The following CHRM3 variants were observed in gnomAD, a reference collection of about 807,000 sequenced individuals.
CHRM3 encodes muscarinic acetylcholine receptor M3.
Under a neutral mutation model 41.8 loss-of-function variants are expected in CHRM3, and 11 were observed. The observed-to-expected ratio is 0.26, with a 90% CI of 0.17 to 0.44. CHRM3 has a LOEUF of 0.44. CHRM3 is among the 20% of genes least tolerant of loss of function. The pLI, the probability that CHRM3 is intolerant of heterozygous loss-of-function variation, is 1.00. For synonymous variants in CHRM3, 297 were observed against 301.4 expected (o/e 0.99, Z 0.15); for missense variants, 571 against 745.4 (o/e 0.77, Z 2.72).
At chr1:239,662,894 T>TC (rs1673365589) in intron 4 of CHRM3, among the ~76,000 whole-genome samples, 1 of 81,802 alleles carries the variant, frequency 1.2e-5, no homozygotes, top group African/African-American at 5.6e-5. Context: ...TTCCTCCTCC[T>TC]CTTCTTCTTC....
intron 6 of CHRM3, 91 bp downstream of exon 6, chr1:239,827,469 G>C (rs957036223): frequency 6.6e-6 from 1 of 152,158 alleles, no homozygotes; most frequent in Non-Finnish European, 1.5e-5. Flanking sequence ...GGCCACTGTT[G>C]ATTAGTTACG....
chr1:239,533,860 C>G (rs936212914), intron 2 of CHRM3, among the ~76,000 whole-genome samples: 1 of 152,010 alleles, frequency 6.6e-6, no homozygotes, highest in Non-Finnish European at 1.5e-5. Context: ...GGGTCCTTCC[C>G]ATGACATGTG....
intron 4 of CHRM3, among the ~76,000 whole-genome samples, chr1:239,667,888 T>G (rs1392997980): frequency 6.6e-6 from 1 of 152,144 alleles, no homozygotes; most frequent in Admixed American, 6.6e-5. Context: ...CTTGTACATT[T>G]GTAACTCTAG....
At chr1:239,725,735 C>T (rs2148376511) in intron 5 of CHRM3, among the ~76,000 whole-genome samples, 2 of 151,952 alleles carry the variant, frequency 1.3e-5, no homozygotes, top group South Asian at 4.2e-4. Context: ...GACTCTTTGC[C>T]CTGACGTCTG....
chr1:239,788,298 G>A (rs1669070420), intron 5 of CHRM3, among the ~76,000 whole-genome samples: 1 of 152,126 alleles, frequency 6.6e-6, no homozygotes, highest in Non-Finnish European at 1.5e-5. Context: ...TGAATCTCAT[G>A]TAGAGCAAAT....
intron 2 of CHRM3, among the ~76,000 whole-genome samples, chr1:239,542,567 A>C (rs1267495769): frequency 1.3e-5 from 2 of 152,184 alleles, no homozygotes; most frequent in African/African-American, 4.8e-5. Context: ...TTTGTCTTAC[A>C]ACTCTCAGAA....
chr1:239,570,195 A>T (rs1012258994), intron 3 of CHRM3, among the ~76,000 whole-genome samples: 35 of 152,130 alleles, frequency 2.3e-4, no homozygotes, highest in Non-Finnish European at 1.5e-5. Context: ...TGAGTGAATT[A>T]TCATGAGATC....
At chr1:239,742,087 C>T (rs1424139606) in intron 5 of CHRM3, among the ~76,000 whole-genome samples, 2 of 27,418 alleles carry the variant, frequency 7.3e-5, no homozygotes, top group Admixed American at 6.7e-4. Context: ...CTGCAGCATG[C>T]ATACGTTTTT....
intron 3 of CHRM3, among the ~76,000 whole-genome samples, chr1:239,597,105 A>C (rs187687255): frequency 6.3e-4 from 96 of 152,322 alleles, no homozygotes; most frequent in Non-Finnish European, 8.5e-4. Flanking sequence ...ATATGGGTGA[A>C]AACTCTGTTA....
chr1:239,818,748 G>C (rs1671798405), intron 5 of CHRM3, among the ~76,000 whole-genome samples: 1 of 152,222 alleles, frequency 6.6e-6, no homozygotes, highest in African/African-American at 2.4e-5. Context: ...GTTCTGCTGA[G>C]CTGAGCAGAC....
At chr1:239,703,708 T>C (rs1337272566) in intron 5 of CHRM3, 3 of 152,218 alleles carry the variant, frequency 2.0e-5, no homozygotes, top group African/African-American at 7.2e-5. Context: ...CTATTCAGAA[T>C]TGTTTACCTA....
chr1:239,502,083 A>T (rs1668279130), intron 2 of CHRM3, among the ~76,000 whole-genome samples: 1 of 152,178 alleles, frequency 6.6e-6, no homozygotes, highest in Non-Finnish European at 1.5e-5. Context: ...AGATCAGAGC[A>T]GAACTAAATG....
chr1:239,767,519 A>G (rs1478378425), intron 5 of CHRM3, among the ~76,000 whole-genome samples: 1 of 152,234 alleles, frequency 6.6e-6, no homozygotes, highest in Non-Finnish European at 1.5e-5. Flanking sequence ...CTTTGATTGT[A>G]GCACACATTA....
intron 3 of CHRM3, among the ~76,000 whole-genome samples, chr1:239,573,102 T>C (rs1232561012): frequency 6.6e-6 from 1 of 152,126 alleles, no homozygotes; most frequent in African/African-American, 2.4e-5. Flanking sequence ...TACCTTCTCT[T>C]CCATGCCGCA....
Position 239,589,565 on chromosome 1 carries a change from A to AT in CHRM3, c.-312-42653dup, listed in dbSNP as rs1382574873. On this transcript the variant is annotated intron_variant, in intron 3 of 6. Transcript: ENST00000676153. ...TAATTTCCATGCATTAATATGTGAA[A>AT]TTTTTTCATGAACAGTGCTTGCAAT... Among the ~76,000 whole-genome samples, 23 of 146,582 alleles carry AT rather than the reference A, an allele frequency of 1.6e-4. No individual in the cohort carries two copies. In the East Asian group the frequency reaches 3.6e-3, roughly 23 times the overall value.
At chr1:239,640,745 C>A in intron 4 of CHRM3, among the ~76,000 whole-genome samples, 1 of 149,786 alleles carries the variant, frequency 6.7e-6, no homozygotes, top group Non-Finnish European at 1.5e-5. Context: ...TTTTGAAGGG[C>A]TTTTTGTGTC....
intron 1 of CHRM3, among the ~76,000 whole-genome samples, chr1:239,455,366 T>C (rs1369307037): frequency 6.6e-6 from 1 of 151,978 alleles, no homozygotes. Context: ...CTTTTTTTTT[T>C]TTAAGTTAAT....
chr1:239,636,081 G>T (rs1670433351), intron 4 of CHRM3, among the ~76,000 whole-genome samples: 1 of 152,132 alleles, frequency 6.6e-6, no homozygotes, highest in African/African-American at 2.4e-5. Context: ...TTACTCAGTG[G>T]CATTTCTGAT....
chr1:239,551,789 T>C (rs1341473929), intron 3 of CHRM3, among the ~76,000 whole-genome samples: 2 of 152,126 alleles, frequency 1.3e-5, no homozygotes, highest in Non-Finnish European at 2.9e-5. Context: ...GTAGCACAAA[T>C]TATGTCAAGC....
Sources: allele counts gnomAD v4.1 joint callset (sites outside exome capture counted in the v4.1 genomes callset), GRCh38; gene constraint gnomAD v4.1.1; transcripts MANE v1.5; gene names NCBI Gene and HGNC (gene_info 2026-07-23, HGNC 2026-07-21).